Variants in PTPRJ observed in about 807,000 individuals in gnomAD.
PTPRJ encodes the protein protein tyrosine phosphatase receptor type J, also known as receptor-type tyrosine-protein phosphatase eta.
PTPRJ carries 129 observed loss-of-function variants against 141.3 expected under a neutral mutation model. The observed-to-expected ratio is 0.91, with a 90% CI of 0.79 to 1.06. The LOEUF is 1.06. PTPRJ is among the 50% of genes least tolerant of loss of function. PTPRJ has a pLI of 0.00. For missense variants in PTPRJ, 1,601 were observed against 1,679.7 expected, an observed-to-expected ratio of 0.95 and a Z score of 0.82; for synonymous variants, 610 against 640.5, an observed-to-expected ratio of 0.95 and a Z score of 0.72.
At chr11:48,021,720 G>A (rs985420856) in intron 1 of PTPRJ, among the ~76,000 whole-genome samples, 2 of 152,200 alleles carry the variant, frequency 1.3e-5, no homozygotes, top group Non-Finnish European at 2.9e-5. Context: ...TTTAATATGA[G>A]TCTAGCGCTT....
chr11:48,141,299 T>A (rs1857224153), intron 11 of PTPRJ, among the ~76,000 whole-genome samples: 1 of 152,028 alleles, frequency 6.6e-6, no homozygotes. Context: ...TTCTTTTGTG[T>A]TAGTTCAGAG....
chr11:48,074,933 G>C (rs1855360672), intron 1 of PTPRJ, among the ~76,000 whole-genome samples: 1 of 152,132 alleles, frequency 6.6e-6, no homozygotes, highest in Admixed American at 6.5e-5. Context: ...CATTAAGCAA[G>C]CATAGGTGAG....
intron 1 of PTPRJ, among the ~76,000 whole-genome samples, chr11:48,018,914 C>T (rs1017158627): frequency 6.6e-6 from 1 of 152,180 alleles, no homozygotes. Flanking sequence ...TCCTTCTCCC[C>T]GACCCCTCGC....
At chr11:48,005,978 A>T (rs1273149251) in intron 1 of PTPRJ, among the ~76,000 whole-genome samples, 1 of 152,228 alleles carries the variant, frequency 6.6e-6, no homozygotes, top group African/African-American at 2.4e-5. Flanking sequence ...CTGCTGGGCC[A>T]GGCGATTGCA....
At chr11:47,993,586 C>A (rs1255285482) in intron 1 of PTPRJ, among the ~76,000 whole-genome samples, 2 of 152,078 alleles carry the variant, frequency 1.3e-5, no homozygotes, top group Non-Finnish European at 2.9e-5. Context: ...AGTCACCGTA[C>A]CCAGCCTGCG....
chr11:48,058,247 G>T (rs1854813976), intron 1 of PTPRJ, among the ~76,000 whole-genome samples: 1 of 151,882 alleles, frequency 6.6e-6, no homozygotes, highest in South Asian at 2.1e-4. Context: ...AAAGAGACAG[G>T]GTCTCTGGTG....
chr11:48,025,057 G>C (rs912588064), intron 1 of PTPRJ, among the ~76,000 whole-genome samples: 1 of 152,224 alleles, frequency 6.6e-6, no homozygotes, highest in Admixed American at 6.5e-5. Context: ...GGAATAAGTG[G>C]GGTGCTGGAT....
rs1471548723 is a variant in PTPRJ at position 48,136,084 on chromosome 11, C to T, written c.1661C>T (p.Thr554Met). ...FDIHVVYVTT[T>M]EMWLDWKSPD... ...ATCCACGTGGTCTACGTCACCACCA[C>T]GGAGATGTGGCTGGACTGGAAGAGC... Residue 554 changes from threonine to methionine, a missense_variant, in exon 9 of 25, where the codon ACG becomes ATG. Coordinates refer to ENST00000418331, the MANE Select transcript of PTPRJ (RefSeq NM_002843.4). 10 of 1,614,066 alleles carry T rather than the reference C, an allele frequency of 6.2e-6. No individual in the cohort carries two copies. Among genetic ancestry groups the T allele is most frequent in the South Asian group, 1.1e-5 (1 of 91,088 alleles).
At chr11:48,100,924 G>A (rs183676994) in intron 1 of PTPRJ, among the ~76,000 whole-genome samples, 1 of 151,144 alleles carries the variant, frequency 6.6e-6, no homozygotes, top group Non-Finnish European at 1.5e-5. Context: ...AGACTTCCAA[G>A]TGCCCATGTC....
Position 48,137,090 on chromosome 11 carries a change from C to G in PTPRJ, c.1961C>G (p.Thr654Arg). 6.2e-7 allele frequency: 1 copy of G among 1,606,230 alleles called. No homozygotes were observed. The highest frequency in any genetic ancestry group is 1.1e-5 in the South Asian group (1 of 90,904). The change falls in exon 10 of 25, where the codon ACG (threonine) becomes AGG (arginine). Residue 654 changes from threonine (T) to arginine (R), a missense_variant. Physicochemically the swap from Thr to Arg is moderately conservative, Grantham distance 71. Coordinates refer to ENST00000418331, the MANE Select transcript of PTPRJ (RefSeq NM_002843.4). The part of the protein sequence containing the change: ...SWQNFDDASP[T>R]YSYCLLIEKA... Reference sequence around the variant, plus strand: ...CAGAACTTTGATGACGCCTCTCCCACGTACTCCTACTGCCTTCTTATTGAG... The same window carrying G: ...CAGAACTTTGATGACGCCTCTCCCAGGTACTCCTACTGCCTTCTTATTGAG...
chr11:48,147,606 G>A (rs1590558025), intron 15 of PTPRJ, among the ~76,000 whole-genome samples: 1 of 152,214 alleles, frequency 6.6e-6, no homozygotes, highest in Non-Finnish European at 1.5e-5. Context: ...CAGAAGCTGA[G>A]TCAGGAAGTG....
intron 16 of PTPRJ, 90 bp from the exon 17 acceptor site, chr11:48,149,897 TTTG>T: frequency 1.0e-6 from 1 of 974,594 alleles, no homozygotes; most frequent in South Asian, 1.6e-5. Context: ...TACCCTGGGT[TTTG>T]TTGTTTTGGG....
In PTPRJ at chr11:48,156,055, G is replaced by T. The variant is rs374260795; in HGVS notation, c.3374G>T (p.Arg1125Leu). ...PLPNTLKDFW[R>L]MVWEKNVYAI... Reference sequence around the variant, plus strand: ...CCGAACACTTTGAAAGATTTTTGGCGTATGGTTTGGGAGAAAAATGTATAT... The same window carrying T: ...CCGAACACTTTGAAAGATTTTTGGCTTATGGTTTGGGAGAAAAATGTATAT... The change falls in exon 21 of 25, where the codon CGT (arginine) becomes CTT (leucine). Residue 1125 changes from arginine to leucine, a missense_variant. Coordinates refer to ENST00000418331, the MANE Select transcript of PTPRJ (RefSeq NM_002843.4). 6.2e-7 allele frequency: 1 copy of T among 1,601,740 alleles called. No homozygotes were observed. Among genetic ancestry groups the T allele is most frequent in the African/African-American group, 1.3e-5 (1 of 74,624 alleles).
intron 1 of PTPRJ, among the ~76,000 whole-genome samples, chr11:48,049,527 AAAC>A (rs1246416326): frequency 6.9e-6 from 1 of 145,122 alleles, no homozygotes; most frequent in African/African-American, 2.8e-5. Flanking sequence ...AAACAAAACA[AAAC>A]AAAACAAAAC....
intron 3 of PTPRJ, among the ~76,000 whole-genome samples, chr11:48,116,521 A>G (rs1175718728): frequency 6.6e-6 from 1 of 152,274 alleles, no homozygotes; most frequent in Non-Finnish European, 1.5e-5. Flanking sequence ...AATGATCCAG[A>G]CAGGAAATCA....
intron 3 of PTPRJ, 140 bp from the exon 4 acceptor site, chr11:48,120,863 G>T (rs1474112829): frequency 1.2e-5 from 9 of 721,274 alleles, no homozygotes; most frequent in Non-Finnish European, 1.6e-5. Flanking sequence ...AAATTCTGGT[G>T]CAGGGAAGTC....
At chr11:48,164,554 C>T (rs770146975) in intron 24 of PTPRJ, 39 bp downstream of exon 24, 3 of 1,451,742 alleles carry the variant, frequency 2.1e-6, no homozygotes, top group Admixed American at 2.4e-5. Flanking sequence ...CACCCTTCCC[C>T]TCCATTTTTT....
At chr11:47,985,907 A>T (rs553874038) in intron 1 of PTPRJ, among the ~76,000 whole-genome samples, 1 of 151,818 alleles carries the variant, frequency 6.6e-6, no homozygotes, top group East Asian at 1.9e-4. Context: ...CGCCATGTTG[A>T]CCAGGCTGGT....
chr11:48,055,068 C>T (rs918804875), intron 1 of PTPRJ, among the ~76,000 whole-genome samples: 1 of 152,034 alleles, frequency 6.6e-6, no homozygotes, highest in African/African-American at 2.4e-5. Context: ...TGCTTGTAAT[C>T]CCAGCTACTT....
Sources: gnomAD v4.1 joint callset for allele counts (sites outside exome capture counted in the v4.1 genomes callset) on GRCh38, gnomAD v4.1.1 for gene constraint, MANE v1.5 for transcripts, NCBI Gene and HGNC (gene_info 2026-07-23, HGNC 2026-07-21) for gene names.